Variants in DSG2 observed in about 807,000 individuals in gnomAD.
The protein encoded by DSG2 is desmoglein-2.
A neutral mutation model predicts 75.6 loss-of-function variants in DSG2; 45 were observed. The ratio of observed to expected loss-of-function variants is 0.60; its 90% CI spans 0.47 to 0.76. The LOEUF (loss-of-function observed/expected upper bound fraction) is 0.76, where lower values mean the gene tolerates loss of function less well. Ranked by LOEUF, DSG2 falls within the 30% of genes least tolerant of loss-of-function variation. The pLI is 0.00. For missense variants in DSG2, 1,267 were observed against 1,357.4 expected (o/e 0.93, Z 1.05); for synonymous variants, 429 against 483.9 (o/e 0.89, Z 1.49).
chr18:31,539,046 A>G lies in DSG2; in HGVS notation c.1879+68A>G, dbSNP rs887013829. The G allele has an allele frequency of 2.4e-5, 34 of 1,421,768 alleles. No individual in the cohort carries two copies. In the South Asian group the frequency reaches 3.2e-4, roughly 13 times the overall value. 88.1% of individuals were successfully genotyped at this position (1,421,768 alleles called of 1,614,324 possible). A position where few individuals can be genotyped will look rare whatever the true frequency, so the allele number is the denominator to read the frequency against. On this transcript the variant is annotated intron_variant, in intron 12 of 14. Coordinates refer to ENST00000261590, the MANE Select transcript of DSG2 (RefSeq NM_001943.5). Reference sequence around the variant, plus strand: ...AGTGCACTCCTGGAGATGTGTTACTATGGTAGTCATTGATTTCTTCACAGT... The same window carrying G: ...AGTGCACTCCTGGAGATGTGTTACTGTGGTAGTCATTGATTTCTTCACAGT...
rs374980753 is a variant in DSG2, at chr18:31,524,857, A to G, written c.983A>G (p.Gln328Arg). 4.3e-6 allele frequency: 7 copies of G among 1,614,122 alleles called. No homozygotes were observed. In the African/African-American group the frequency reaches 9.3e-5, roughly 22 times the overall value. ...TATTTCCACATAGAAACAGATGCTC[A>G]AACTAACGAAGGAATTGTGACCCTT... ...GGYFHIETDA[Q>R]TNEGIVTLIK... Residue 328 changes from glutamine (Q) to arginine (R), a missense_variant, in exon 8 of 15, where the codon CAA becomes CGA. Coordinates refer to ENST00000261590, the MANE Select transcript of DSG2 (RefSeq NM_001943.5).
At chr18:31,517,134 G>A (rs2073098745) in intron 1 of DSG2, among the ~76,000 whole-genome samples, 1 of 152,186 alleles carries the variant, frequency 6.6e-6, no homozygotes, top group African/African-American at 2.4e-5. Context: ...GCTGGAAGTG[G>A]AGGTCATTAT....
intron 13 of DSG2, among the ~76,000 whole-genome samples, chr18:31,541,913 G>A (rs2073270654): frequency 6.6e-6 from 1 of 152,164 alleles, no homozygotes; most frequent in Non-Finnish European, 1.5e-5. Flanking sequence ...TCCGCAGCAT[G>A]GTCCCCAGTT....
At chr18:31,509,047 T>C (rs2073053467) in intron 1 of DSG2, among the ~76,000 whole-genome samples, 1 of 151,636 alleles carries the variant, frequency 6.6e-6, no homozygotes, top group African/African-American at 2.4e-5. Context: ...TAAAAATAAC[T>C]GGAGTAGAAA....
chr18:31,542,884 G>A lies in DSG2; in HGVS notation c.2334+32G>A, dbSNP rs7239307. 2.7e-6 allele frequency: 3 copies of A among 1,100,298 alleles called. 1 individual carries two copies. In the African/African-American group the frequency reaches 4.5e-5, roughly 17 times the overall value. 68.2% of individuals were successfully genotyped at this position (1,100,298 alleles called of 1,614,324 possible). Reference sequence around the variant, plus strand: ...ATGAGTTTTATGTATTGGTGGTGGGGGGTGGGGGGAACATTTGTATGTGAA... The same window carrying A: ...ATGAGTTTTATGTATTGGTGGTGGGAGGTGGGGGGAACATTTGTATGTGAA... On this transcript the variant is annotated intron_variant, in intron 14 of 14. Transcript: ENST00000261590.
intron 14 of DSG2, among the ~76,000 whole-genome samples, chr18:31,545,407 T>C (rs1212431023): frequency 6.6e-6 from 1 of 152,214 alleles, no homozygotes; most frequent in Non-Finnish European, 1.5e-5. Context: ...TAGCCAACTA[T>C]CACACTATCT....
Position 31,542,764 on chromosome 18 carries a change from G to A in DSG2, c.2246G>A (p.Arg749Lys). 1.2e-6 allele frequency: 2 copies of A among 1,612,492 alleles called. No individual in the cohort carries two copies. Among genetic ancestry groups the A allele is most frequent in the Non-Finnish European group, 1.7e-6 (2 of 1,179,070 alleles). The change falls in exon 14 of 15, where the codon AGG (arginine) becomes AAG (lysine). Residue 749 changes from arginine (R) to lysine (K), a missense_variant. Transcript: ENST00000261590. Reference sequence around the variant, plus strand: ...ACCACTGAAACCACGAAGACCGCAAGGGCCACAGGGGCTTCCAGAGACATG... The same window carrying A: ...ACCACTGAAACCACGAAGACCGCAAAGGCCACAGGGGCTTCCAGAGACATG... ...IMTTETTKTA[R>K]ATGASRDMAG...
At chr18:31,504,939 A>G (rs1042786460) in intron 1 of DSG2, among the ~76,000 whole-genome samples, 1 of 152,276 alleles carries the variant, frequency 6.6e-6, no homozygotes, top group Non-Finnish European at 1.5e-5. Flanking sequence ...CTACCTGTCT[A>G]TCTCATTGCC....
Position 31,521,093 on chromosome 18 carries a change from T to C in DSG2, c.379-6T>C. The C allele has an allele frequency of 1.2e-6, 2 of 1,613,990 alleles. No individual in the cohort carries two copies. The highest frequency in any genetic ancestry group is 1.7e-6 in the Non-Finnish European group (2 of 1,179,938). On this transcript the variant is annotated splice_polypyrimidine_tract_variant and splice_region_variant and intron_variant, in intron 4 of 14. Transcript: ENST00000261590. ...AAATCTAATCTTATTTATGTCATGA[T>C]TTCAGCTAACAGGTTACGCTTTGGA...
chr18:31,527,596 G>C (rs2073170107), intron 8 of DSG2, among the ~76,000 whole-genome samples: 1 of 152,150 alleles, frequency 6.6e-6, no homozygotes, highest in African/African-American at 2.4e-5. Context: ...AAGGAATTTA[G>C]ACAAAAAAGA....
At chr18:31,525,450 C>T (rs762831469) in intron 8 of DSG2, among the ~76,000 whole-genome samples, 12 of 151,500 alleles carry the variant, frequency 7.9e-5, no homozygotes, top group Non-Finnish European at 1.5e-4. Flanking sequence ...ACCCAAGAGG[C>T]GGAGGCTGCA....
At chr18:31,524,408 ACT>A (rs2073148087) in intron 6 of DSG2, 38 bp from the exon 7 acceptor site, 2 of 1,613,850 alleles carry the variant, frequency 1.2e-6, no homozygotes, top group Non-Finnish European at 1.7e-6. Context: ...TGTAAGAGTG[ACT>A]CTTTTCACCC....
At chr18:31,545,247 C>A (rs1446814320) in intron 14 of DSG2, among the ~76,000 whole-genome samples, 1 of 152,156 alleles carries the variant, frequency 6.6e-6, no homozygotes, top group African/African-American at 2.4e-5. Context: ...AAATTTTGAA[C>A]CCAATAAACA....
rs772805008 is a variant in DSG2, at chr18:31,531,082, T to C, written c.1110T>C (p.Pro370=). 10 of 1,614,142 alleles carry C rather than the reference T, an allele frequency of 6.2e-6. No individual in the cohort carries two copies. In the Admixed American group the frequency reaches 1.3e-4, roughly 22 times the overall value. The change falls in exon 9 of 15, where the codon CCT becomes CCC. Residue 370 remains proline, a synonymous_variant. Transcript: ENST00000261590. ...FHKSIRSKYK[P]TPIPIKVKVK... is the part of the protein sequence containing the mutation. The stretch of plus-strand genomic sequence containing the variant: ...AGTCGATTAGGAGTAAATACAAGCC[T>C]ACACCCATTCCCATCAAGGTCAAAG...
At position 31,546,634 on chromosome 18, in the gene DSG2, G is replaced by C; in HGVS notation, c.3248G>C (p.Gly1083Ala). The change falls in exon 15 of 15, where the codon GGC becomes GCC. Residue 1083 changes from glycine to alanine, a missense_variant. Physicochemically the swap from Gly to Ala is moderately conservative, Grantham distance 60 (BLOSUM62 0). Coordinates refer to ENST00000261590, the MANE Select transcript of DSG2 (RefSeq NM_001943.5). ...ACGGTGTCTGGAGCTGGAGTCCCTG[G>C]CCCTCTGCCAGATTTTGGTTTAGAG... is the stretch of plus-strand genomic sequence containing the variant. ...NTTVSGAGVP[G>A]PLPDFGLEES... 1 of 1,614,126 alleles carries C rather than the reference G, an allele frequency of 6.2e-7. No homozygotes were observed. Among genetic ancestry groups the C allele is most frequent in the Non-Finnish European group, 8.5e-7 (1 of 1,180,020 alleles).
At chr18:31,505,490 A>G (rs1482596089) in intron 1 of DSG2, among the ~76,000 whole-genome samples, 1 of 152,136 alleles carries the variant, frequency 6.6e-6, no homozygotes, top group East Asian at 1.9e-4. Flanking sequence ...AGATCTTTGT[A>G]TCTTTTATCT....
intron 14 of DSG2, among the ~76,000 whole-genome samples, chr18:31,543,863 C>T (rs1252240947): frequency 2.1e-5 from 2 of 97,056 alleles, no homozygotes; most frequent in Non-Finnish European, 4.1e-5. Context: ...GAAACTCTGT[C>T]TAAAAAAAAA....
intron 3 of DSG2, among the ~76,000 whole-genome samples, chr18:31,520,207 G>A (rs1226314548): frequency 6.6e-6 from 1 of 152,142 alleles, no homozygotes; most frequent in Non-Finnish European, 1.5e-5. Context: ...AAGGGATTTG[G>A]CACTGGTAAC....
At chr18:31,515,270 T>C (rs1359230074) in intron 1 of DSG2, among the ~76,000 whole-genome samples, 1 of 152,018 alleles carries the variant, frequency 6.6e-6, no homozygotes, top group Non-Finnish European at 1.5e-5. Flanking sequence ...GGGCAGCTAA[T>C]ATTTTTTTGT....
Sources: allele counts gnomAD v4.1 joint callset (sites outside exome capture counted in the v4.1 genomes callset), GRCh38; gene constraint gnomAD v4.1.1; transcripts MANE v1.5; gene names NCBI Gene and HGNC (gene_info 2026-07-23, HGNC 2026-07-21).